Variants in ATP8A2 observed in about 807,000 individuals in gnomAD.
ATP8A2 encodes the protein phospholipid-transporting ATPase IB.
A neutral mutation model predicts 165.6 loss-of-function variants in ATP8A2; 100 were observed. The observed-to-expected ratio is 0.60, with a 90% CI of 0.51 to 0.71. The LOEUF (loss-of-function observed/expected upper bound fraction) is 0.71. Among genes scored for constraint, ATP8A2 ranks in the 30% least tolerant of loss-of-function variants. The pLI is 0.00. For synonymous variants in ATP8A2, 543 were observed against 548.8 expected, an observed-to-expected ratio of 0.99 and a Z score of 0.15; for missense variants, 1,227 against 1,479.5, an observed-to-expected ratio of 0.83 and a Z score of 2.80.
chr13:26,008,525 G>A (rs1418921721), intron 35 of ATP8A2, among the ~76,000 whole-genome samples: 1 of 152,124 alleles, frequency 6.6e-6, no homozygotes, highest in Non-Finnish European at 1.5e-5. Flanking sequence ...AATAGAGAAC[G>A]GAGGGGAGGC....
At chr13:25,465,902 G>C (rs1022940720) in intron 1 of ATP8A2, among the ~76,000 whole-genome samples, 4 of 151,114 alleles carry the variant, frequency 2.6e-5, no homozygotes, top group Non-Finnish European at 5.9e-5. Context: ...TGGGATTACA[G>C]GCATGAGCCA....
intron 1 of ATP8A2, among the ~76,000 whole-genome samples, chr13:25,398,583 C>G (rs1405873150): frequency 6.6e-6 from 1 of 152,194 alleles, no homozygotes; most frequent in Non-Finnish European, 1.5e-5. Flanking sequence ...CTCCCCCTGG[C>G]TCACTGCTGT....
chr13:25,813,394 T>TATGAC (rs912143670), intron 27 of ATP8A2, among the ~76,000 whole-genome samples: 4 of 143,812 alleles, frequency 2.8e-5, no homozygotes, highest in Non-Finnish European at 4.4e-5. Flanking sequence ...TATGATATGA[T>TATGAC]ATGATATGAT....
chr13:25,847,134 G>T (rs983430863), intron 30 of ATP8A2, among the ~76,000 whole-genome samples: 2 of 152,232 alleles, frequency 1.3e-5, no homozygotes, highest in Non-Finnish European at 2.9e-5. Flanking sequence ...ACAGAGTGTG[G>T]TGGAAGTTCA....
chr13:25,470,527 G>A (rs2035813274), intron 2 of ATP8A2, among the ~76,000 whole-genome samples: 1 of 152,170 alleles, frequency 6.6e-6, no homozygotes. Context: ...AAATGATGGA[G>A]CTGCTTTGGA....
intron 26 of ATP8A2, among the ~76,000 whole-genome samples, chr13:25,772,859 A>G (rs1255781663): frequency 6.6e-6 from 1 of 151,966 alleles, no homozygotes; most frequent in African/African-American, 2.4e-5. Context: ...TCCTGGGTTC[A>G]AGTGATTGTC....
At chr13:25,924,347 C>T (rs541766396) in intron 33 of ATP8A2, among the ~76,000 whole-genome samples, 2 of 152,272 alleles carry the variant, frequency 1.3e-5, no homozygotes, top group African/African-American at 4.8e-5. Flanking sequence ...TTGGTTCCCT[C>T]TCAGAGCAGT....
intron 24 of ATP8A2, among the ~76,000 whole-genome samples, chr13:25,653,792 A>T (rs954264254): frequency 2.0e-5 from 3 of 152,152 alleles, no homozygotes; most frequent in African/African-American, 7.2e-5. Context: ...AGAGAAGCCA[A>T]ATGAAATCTG....
chr13:25,887,236 C>T (rs1323164583), intron 33 of ATP8A2, among the ~76,000 whole-genome samples: 1 of 152,074 alleles, frequency 6.6e-6, no homozygotes, highest in Non-Finnish European at 1.5e-5. Context: ...TTGAGATGCA[C>T]ACATGTGATC....
intron 25 of ATP8A2, among the ~76,000 whole-genome samples, chr13:25,754,290 A>G (rs2044215128): frequency 6.6e-6 from 1 of 152,242 alleles, no homozygotes. Flanking sequence ...GGCCCTGAAC[A>G]GAACAGGCAT....
At chr13:25,770,562 C>T (rs1271049115) in intron 26 of ATP8A2, among the ~76,000 whole-genome samples, 1 of 152,178 alleles carries the variant, frequency 6.6e-6, no homozygotes, top group African/African-American at 2.4e-5. Context: ...ACTCCAGTCT[C>T]CCTCACAGCC....
chr13:25,460,729 G>GT (rs1283711355), intron 1 of ATP8A2, among the ~76,000 whole-genome samples: 2 of 152,172 alleles, frequency 1.3e-5, no homozygotes, highest in Non-Finnish European at 2.9e-5. Context: ...CAACTAGGTT[G>GT]TAAATAAAGT....
At chr13:25,384,160 C>T (rs1046270284) in intron 1 of ATP8A2, among the ~76,000 whole-genome samples, 1 of 152,222 alleles carries the variant, frequency 6.6e-6, no homozygotes, top group African/African-American at 2.4e-5. Context: ...TACTCCTACC[C>T]AGATTTGCTG....
intron 25 of ATP8A2, among the ~76,000 whole-genome samples, chr13:25,728,589 G>A (rs1566082829): frequency 6.6e-6 from 1 of 152,102 alleles, no homozygotes; most frequent in Non-Finnish European, 1.5e-5. Context: ...AGAAAAAATG[G>A]ACTTTTTAGG....
At chr13:25,481,859 G>A (rs2036215058) in intron 2 of ATP8A2, among the ~76,000 whole-genome samples, 2 of 152,042 alleles carry the variant, frequency 1.3e-5, no homozygotes, top group Non-Finnish European at 2.9e-5. Flanking sequence ...TCTAATAAGG[G>A]CACTAATCCC....
At chr13:25,503,351 A>C (rs569687655) in intron 2 of ATP8A2, among the ~76,000 whole-genome samples, 2 of 152,178 alleles carry the variant, frequency 1.3e-5, no homozygotes, top group East Asian at 3.9e-4. Context: ...AAGTAACCCT[A>C]CTGTTTGTGA....
intron 1 of ATP8A2, among the ~76,000 whole-genome samples, chr13:25,457,768 C>T (rs1011884870): frequency 3.9e-5 from 6 of 152,202 alleles, no homozygotes; most frequent in Non-Finnish European, 5.9e-5. Flanking sequence ...AAGATTTTCT[C>T]ATATTTTAAA....
At chr13:25,950,247 C>G (rs1955318820) in intron 33 of ATP8A2, among the ~76,000 whole-genome samples, 1 of 152,148 alleles carries the variant, frequency 6.6e-6, no homozygotes, top group Non-Finnish European at 1.5e-5. Context: ...GCCTAGGAAC[C>G]ACCTGTCTTT....
At chr13:25,749,860 T>C (rs2044116810) in intron 25 of ATP8A2, among the ~76,000 whole-genome samples, 1 of 152,192 alleles carries the variant, frequency 6.6e-6, no homozygotes, top group Non-Finnish European at 1.5e-5. Context: ...CATCTAAGTT[T>C]GTTTTTAAAA....
Sources: gnomAD v4.1 joint callset for allele counts (sites outside exome capture counted in the v4.1 genomes callset) on GRCh38, gnomAD v4.1.1 for gene constraint, MANE v1.5 for transcripts, NCBI Gene and HGNC (gene_info 2026-07-23, HGNC 2026-07-21) for gene names.